SLC35F1: variants seen among roughly 807,000 people sequenced by gnomAD.
The protein encoded by SLC35F1 is solute carrier family 35 member F1.
Under a neutral mutation model 48.7 loss-of-function variants are expected in SLC35F1, and 14 were observed. That is an observed-to-expected ratio of 0.29 (90% CI 0.19 to 0.45). The LOEUF is 0.45. SLC35F1 is among the 20% of genes least tolerant of loss of function. The pLI, the probability that SLC35F1 is intolerant of heterozygous loss-of-function variation, is 1.00. For synonymous variants in SLC35F1, 190 were observed against 202.2 expected, an observed-to-expected ratio of 0.94 and a Z score of 0.51; for missense variants, 404 against 500.0, an observed-to-expected ratio of 0.81 and a Z score of 1.83.
At chr6:117,931,420 T>C (rs1203303677) in intron 1 of SLC35F1, among the ~76,000 whole-genome samples, 1 of 152,166 alleles carries the variant, frequency 6.6e-6, no homozygotes, top group African/African-American at 2.4e-5. Context: ...CCCAAAGACA[T>C]TTTTTTCTTC....
chr6:118,268,957 A>G (rs985255632), intron 4 of SLC35F1, among the ~76,000 whole-genome samples: 3 of 152,166 alleles, frequency 2.0e-5, no homozygotes, highest in Non-Finnish European at 4.4e-5. Context: ...CACACTGTGT[A>G]AACACAGGCT....
chr6:118,126,357 A>G (rs1413640356), intron 1 of SLC35F1, among the ~76,000 whole-genome samples: 2 of 152,196 alleles, frequency 1.3e-5, no homozygotes, highest in Non-Finnish European at 2.9e-5. Flanking sequence ...TTTTGGTACC[A>G]GTACCATGCT....
chr6:118,279,936 GGTT>G (rs546322459), intron 6 of SLC35F1, among the ~76,000 whole-genome samples: 109 of 152,250 alleles, frequency 7.2e-4, no homozygotes, highest in Non-Finnish European at 1.1e-3. Flanking sequence ...GTGGAAAGAT[GGTT>G]GTTGTTGTTG....
At chr6:118,148,647 ATCATAGTC>A (rs1473413495) in intron 1 of SLC35F1, among the ~76,000 whole-genome samples, 2 of 152,206 alleles carry the variant, frequency 1.3e-5, no homozygotes, top group African/African-American at 2.4e-5. Flanking sequence ...GAAAATGTGT[ATCATAGTC>A]TCCTCTCCAT....
intron 3 of SLC35F1, among the ~76,000 whole-genome samples, chr6:118,249,037 C>T (rs1410858324): frequency 6.6e-6 from 1 of 152,172 alleles, no homozygotes; most frequent in Non-Finnish European, 1.5e-5. Flanking sequence ...TGAACCAGGG[C>T]GTGGGCCCCT....
At chr6:118,134,793 C>A (rs573662139) in intron 1 of SLC35F1, among the ~76,000 whole-genome samples, 6 of 152,264 alleles carry the variant, frequency 3.9e-5, no homozygotes, top group African/African-American at 1.2e-4. Flanking sequence ...GTGACTTGTG[C>A]CGTTTTAGAG....
rs1048945884 is a variant in SLC35F1, at chr6:117,923,497, A to G, written c.173+15598A>G. Among the ~76,000 whole-genome samples the G allele has an allele frequency of 5.5e-3, 18 of 3,270 alleles. No individual in the cohort carries two copies. The South Asian group carries it at 0.3, about 54-fold the overall frequency. 2.1% of individuals were successfully genotyped at this position (3,270 alleles called of 152,430 possible). On this transcript the variant is annotated intron_variant, in intron 1 of 7. Transcript: ENST00000360388. The stretch of plus-strand genomic sequence containing the variant: ...TGACATACATGTATATATATATAAA[A>G]TATATATATACACATACATGTGTAT...
chr6:118,248,537 G>A (rs914405941), intron 3 of SLC35F1, among the ~76,000 whole-genome samples: 7 of 152,202 alleles, frequency 4.6e-5, no homozygotes, highest in Non-Finnish European at 8.8e-5. Context: ...GGAGAGACTT[G>A]AAAACACCAC....
At chr6:117,935,029 C>T (rs1776147506) in intron 1 of SLC35F1, among the ~76,000 whole-genome samples, 1 of 152,166 alleles carries the variant, frequency 6.6e-6, no homozygotes, top group Admixed American at 6.5e-5. Context: ...ATCGTTTGAA[C>T]CTGGGAGGCA....
At chr6:118,103,276 A>G (rs1773283703) in intron 1 of SLC35F1, among the ~76,000 whole-genome samples, 1 of 151,722 alleles carries the variant, frequency 6.6e-6, no homozygotes, top group South Asian at 2.1e-4. Context: ...TTTAAATTTT[A>G]TTATTATTAT....
intron 6 of SLC35F1, among the ~76,000 whole-genome samples, 180 bp from the exon 7 acceptor site, chr6:118,285,004 T>TA (rs398110588): frequency 2.0e-5 from 3 of 151,976 alleles, no homozygotes; most frequent in Non-Finnish European, 4.4e-5. Flanking sequence ...TAATTTTTTT[T>TA]AATCTAGTTT....
intron 1 of SLC35F1, among the ~76,000 whole-genome samples, chr6:117,945,224 G>A (rs1776282448): frequency 6.6e-6 from 1 of 152,136 alleles, no homozygotes; most frequent in Admixed American, 6.5e-5. Flanking sequence ...CTCCTCTAAT[G>A]CTGCTCAGTC....
At chr6:118,174,101 A>G (rs1030626641) in intron 2 of SLC35F1, among the ~76,000 whole-genome samples, 26 of 152,194 alleles carry the variant, frequency 1.7e-4, no homozygotes, top group Non-Finnish European at 1.8e-4. Flanking sequence ...AATGGCATGG[A>G]CTTAGAAGTA....
intron 1 of SLC35F1, among the ~76,000 whole-genome samples, chr6:117,996,709 G>A (rs1390437697): frequency 3.9e-5 from 6 of 152,204 alleles, no homozygotes; most frequent in Admixed American, 2.6e-4. Flanking sequence ...CAACAGACCT[G>A]CAGCTGAGGG....
intron 1 of SLC35F1, among the ~76,000 whole-genome samples, chr6:118,133,490 A>G (rs1423024318): frequency 2.0e-5 from 3 of 152,234 alleles, no homozygotes; most frequent in Non-Finnish European, 2.9e-5. Context: ...ACAAGTTTAT[A>G]GAAAGGTTAA....
chr6:117,983,760 A>G (rs966709086), intron 1 of SLC35F1, among the ~76,000 whole-genome samples: 7 of 152,242 alleles, frequency 4.6e-5, no homozygotes, highest in Non-Finnish European at 8.8e-5. Context: ...CTGAAAAATC[A>G]AAACAGAAAT....
intron 1 of SLC35F1, among the ~76,000 whole-genome samples, chr6:117,994,715 A>G (rs938765172): frequency 3.9e-5 from 6 of 152,204 alleles, no homozygotes; most frequent in Non-Finnish European, 8.8e-5. Context: ...AGCATAAAAT[A>G]TTGTTGACTG....
At chr6:117,953,252 C>T (rs1389010240) in intron 1 of SLC35F1, among the ~76,000 whole-genome samples, 1 of 152,146 alleles carries the variant, frequency 6.6e-6, no homozygotes, top group Non-Finnish European at 1.5e-5. Flanking sequence ...AAATCTCTTC[C>T]ATTCTAAAAT....
chr6:118,044,128 C>G (rs1772266668), intron 1 of SLC35F1, among the ~76,000 whole-genome samples: 1 of 152,198 alleles, frequency 6.6e-6, no homozygotes, highest in South Asian at 2.1e-4. Flanking sequence ...AGTGCAGCCC[C>G]AAAGCCAGTA....
Sources: allele counts gnomAD v4.1 joint callset (sites outside exome capture counted in the v4.1 genomes callset), GRCh38; gene constraint gnomAD v4.1.1; transcripts MANE v1.5; gene names NCBI Gene and HGNC (gene_info 2026-07-23, HGNC 2026-07-21).